PPIE: variants seen among roughly 807,000 people sequenced by gnomAD.
The protein encoded by PPIE is peptidylprolyl isomerase E.
PPIE carries 20 observed loss-of-function variants against 38.4 expected under a neutral mutation model. The observed-to-expected ratio is 0.52, with a 90% confidence interval of 0.37 to 0.76. PPIE has a LOEUF of 0.76. PPIE is among the 30% of genes least tolerant of loss of function. PPIE has a pLI of 0.00. For synonymous variants in PPIE, 142 were observed against 135.7 expected, an observed-to-expected ratio of 1.05 and a Z score of -0.32; for missense variants, 322 against 385.8, an observed-to-expected ratio of 0.83 and a Z score of 1.39.
intron 7 of PPIE, chr1:39,746,888 A>G (rs1647225656): frequency 6.6e-6 from 1 of 152,152 alleles, no homozygotes; most frequent in African/African-American, 2.4e-5. Flanking sequence ...GTTAGCAGTA[A>G]TTACTCTGTT....
intron 1 of PPIE, 127 bp from the exon 2 acceptor site, chr1:39,740,038 G>C: frequency 1.5e-6 from 1 of 649,850 alleles, no homozygotes; most frequent in Non-Finnish European, 2.7e-6. Flanking sequence ...ATGAGAGGGG[G>C]ATGTTTGTTT....
At position 39,754,773 on chromosome 1, in the gene PPIE, G is replaced by T. The variant is rs10888962; in HGVS notation, c.*1418G>T. ...CTCAGAAGGCTGAGGTGGGAGGATC[G>T]CTTGAACCTGGGAGGTTGAGGCTGC... On this transcript the variant is annotated 3_prime_UTR_variant, in exon 10 of 10. Coordinates refer to ENST00000324379, the MANE Select transcript of PPIE (RefSeq NM_006112.4). Among the ~76,000 whole-genome samples the T allele has an allele frequency of 6.6e-6, 1 of 152,168 alleles. No homozygotes were observed. The highest frequency in any genetic ancestry group is 2.4e-5 in the African/African-American group (1 of 41,512).
At chr1:39,739,538 G>A (rs1647006025) in intron 1 of PPIE, among the ~76,000 whole-genome samples, 1 of 152,226 alleles carries the variant, frequency 6.6e-6, no homozygotes, top group Admixed American at 6.5e-5. Flanking sequence ...TAGTGAGGAT[G>A]GATCATGATA....
rs1431784316 is a variant in PPIE, at chr1:39,753,958, C to G, written c.*603C>G. On this transcript the variant is annotated 3_prime_UTR_variant, in exon 10 of 10. Coordinates refer to ENST00000324379, the MANE Select transcript of PPIE (RefSeq NM_006112.4). ...CTAAACCCAGCTGCCGGCCTTACAGCCAGCAAGTGTACTCTCAGTGGTTCA... is the reference window on the plus strand; with the variant it reads ...CTAAACCCAGCTGCCGGCCTTACAGGCAGCAAGTGTACTCTCAGTGGTTCA... 2.0e-6 allele frequency: 2 copies of G among 985,312 alleles called. No homozygotes were observed. Among genetic ancestry groups the G allele is most frequent in the African/African-American group, 3.5e-5 (2 of 57,242 alleles). 61.0% of individuals were successfully genotyped at this position (985,312 alleles called of 1,614,324 possible).
chr1:39,763,748 G>A (rs369945946), exon 10 of PPIE: 91 of 1,603,896 alleles, frequency 5.7e-5, no homozygotes, highest in Admixed American at 1.2e-4. Flanking sequence ...CGTAGAGCTC[G>A]TGCCGACGGC....
rs944438946 is a variant in PPIE, at chr1:39,753,880, A to G, written c.*525A>G. 1.0e-6 allele frequency: 1 copy of G among 985,364 alleles called. No homozygotes were observed. The allele number at this position is 985,364 out of a possible 1,614,324, so 61.0% of individuals were successfully genotyped here. ...TATCTTCACACCAGGCATCGATGTC[A>G]GGGCAACGGAAATTAAAGACTGGAA... On this transcript the variant is annotated 3_prime_UTR_variant, in exon 10 of 10. Coordinates refer to ENST00000324379, the MANE Select transcript of PPIE (RefSeq NM_006112.4).
At chr1:39,741,255 A>G (rs1276233614) in intron 2 of PPIE, 111 bp from the exon 3 acceptor site, 12 of 857,104 alleles carry the variant, frequency 1.4e-5, no homozygotes, top group Middle Eastern at 2.2e-4. Context: ...GTGATTGGAT[A>G]GAACTTCTGG....
intron 9 of PPIE, 103 bp from the exon 10 acceptor site, chr1:39,753,184 C>T: frequency 6.3e-7 from 1 of 1,588,280 alleles, no homozygotes; most frequent in South Asian, 1.1e-5. Flanking sequence ...TGCTGCTGCC[C>T]AGGTTCCGGG....
intron 6 of PPIE, 69 bp downstream of exon 6, chr1:39,743,993 T>A: frequency 9.0e-7 from 1 of 1,110,236 alleles, no homozygotes; most frequent in Non-Finnish European, 1.3e-6. Context: ...TTTTTTAAGT[T>A]TTAATGGAAA....
At chr1:39,741,249 T>C (rs1647049911) in intron 2 of PPIE, 117 bp from the exon 3 acceptor site, 1 of 809,054 alleles carries the variant, frequency 1.2e-6, no homozygotes, top group Admixed American at 2.0e-5. Context: ...TAAATAGTGA[T>C]TGGATAGAAC....
chr1:39,751,949 A>G (rs1162744344), intron 8 of PPIE, among the ~76,000 whole-genome samples: 1 of 151,986 alleles, frequency 6.6e-6, no homozygotes, highest in Non-Finnish European at 1.5e-5. Flanking sequence ...AAAAGAATAA[A>G]AAAATTATCC....
intron 2 of PPIE, among the ~76,000 whole-genome samples, chr1:39,740,583 C>T (rs1647033376): frequency 6.6e-6 from 1 of 152,164 alleles, no homozygotes; most frequent in African/African-American, 2.4e-5. Flanking sequence ...GGTACCCCAT[C>T]CCACCTGCAC....
intron 7 of PPIE, 94 bp downstream of exon 7, chr1:39,745,592 A>G: frequency 6.3e-7 from 1 of 1,580,996 alleles, no homozygotes; most frequent in Non-Finnish European, 8.6e-7. Flanking sequence ...TGTGTCCTTG[A>G]TATTGCTTCT....
chr1:39,762,764 G>A, intron 9 of PPIE: 1 of 1,350,380 alleles, frequency 7.4e-7, no homozygotes, highest in Middle Eastern at 2.6e-4. Context: ...CCCACACAGT[G>A]TACACATCTG....
intron 7 of PPIE, chr1:39,747,776 C>CTT (rs1387383980): frequency 5.3e-5 from 8 of 152,096 alleles, no homozygotes; most frequent in Non-Finnish European, 1.2e-4. Context: ...CACATCTTCT[C>CTT]TTAACAGGTG....
chr1:39,758,455 G>C (rs1648528408), downstream of PPIE: 1 of 152,308 alleles, frequency 6.6e-6, no homozygotes, highest in South Asian at 2.1e-4. Flanking sequence ...TTGAACTCCT[G>C]ACTTCAGGTG....
intron 6 of PPIE, 27 bp downstream of exon 6, chr1:39,743,951 G>A (rs776678235): frequency 6.4e-7 from 1 of 1,555,608 alleles, no homozygotes; most frequent in South Asian, 1.1e-5. Flanking sequence ...TGCTTCCAGA[G>A]CACAGGCCGG....
intron 6 of PPIE, among the ~76,000 whole-genome samples, chr1:39,744,280 A>G (rs141348475): frequency 8.0e-4 from 122 of 152,246 alleles, no homozygotes; most frequent in African/African-American, 2.9e-3. Context: ...GTTTGCCACA[A>G]GGGTCGTGGT....
At chr1:39,750,113 A>G (rs1041840993) in intron 8 of PPIE, among the ~76,000 whole-genome samples, 7 of 152,116 alleles carry the variant, frequency 4.6e-5, no homozygotes, top group Non-Finnish European at 1.0e-4. Context: ...AGCCTGGGCA[A>G]CAAGAGCGAA....
Sources: allele counts gnomAD v4.1 joint callset (sites outside exome capture counted in the v4.1 genomes callset), GRCh38; gene constraint gnomAD v4.1.1; transcripts MANE v1.5; gene names NCBI Gene and HGNC (gene_info 2026-07-23, HGNC 2026-07-21).